Variants in SMG1 observed in about 807,000 individuals in gnomAD.
SMG1 encodes SMG1 nonsense mediated mRNA decay associated PI3K related kinase.
SMG1 carries 22 observed loss-of-function variants against 419.9 expected under a neutral mutation model. The observed-to-expected ratio is 0.05, with a 90% confidence interval of 0.04 to 0.07. The LOEUF is 0.07. Among genes scored for constraint, SMG1 ranks in the 10% least tolerant of loss-of-function variants. SMG1 has a pLI of 1.00. For missense variants in SMG1, 3,185 were observed against 4,342.0 expected, an observed-to-expected ratio of 0.73 and a Z score of 7.49; for synonymous variants, 1,538 against 1,553.5, an observed-to-expected ratio of 0.99 and a Z score of 0.23.
chr16:18,916,108 C>A (rs1198041980), intron 1 of SMG1, among the ~76,000 whole-genome samples: 27 of 84,846 alleles, frequency 3.2e-4, no homozygotes, highest in African/African-American at 9.8e-4. Flanking sequence ...AAAAAAAAAA[C>A]CACCACCACT....
Position 18,809,567 on chromosome 16 carries a change from AT to A in SMG1, c.*1del. Reference sequence around the variant, plus strand: ...AACCAGACTCATCTACTGTCTTGCCATTCACACCCAGGCTGTCCAACCTTCA... The same window carrying A: ...AACCAGACTCATCTACTGTCTTGCCATCACACCCAGGCTGTCCAACCTTCA... On this transcript the variant is annotated 3_prime_UTR_variant, in exon 63 of 63. Transcript: ENST00000446231. The A allele has an allele frequency of 6.2e-7, 1 of 1,609,624 alleles. No individual in the cohort carries two copies. The highest frequency in any genetic ancestry group is 8.5e-7 in the Non-Finnish European group (1 of 1,177,540).
intron 12 of SMG1, among the ~76,000 whole-genome samples, 190 bp from the exon 13 acceptor site, chr16:18,876,583 C>T (rs912638086): frequency 6.6e-6 from 1 of 151,680 alleles, no homozygotes; most frequent in African/African-American, 2.4e-5. Flanking sequence ...GATCAGTATG[C>T]TATTTCAAGT....
intron 57 of SMG1, 95 bp from the exon 58 acceptor site, chr16:18,816,624 C>G: frequency 9.8e-7 from 1 of 1,021,280 alleles, no homozygotes; most frequent in Non-Finnish European, 1.4e-6. Context: ...GTAACTCAAG[C>G]TGACACAAAG....
intron 33 of SMG1, among the ~76,000 whole-genome samples, chr16:18,851,509 C>A (rs1453711353): frequency 1.3e-5 from 2 of 152,226 alleles, no homozygotes; most frequent in African/African-American, 2.4e-5. Context: ...CTTACAATTT[C>A]TGATAAAAGT....
At chr16:18,821,077 C>A (rs534185556) in intron 55 of SMG1, among the ~76,000 whole-genome samples, 1 of 152,114 alleles carries the variant, frequency 6.6e-6, no homozygotes, top group Non-Finnish European at 1.5e-5. Context: ...TTAGCTACTA[C>A]TAATAAACAA....
At position 18,836,349 on chromosome 16, in the gene SMG1, T is replaced by C; in HGVS notation, c.7777+11A>G. ...GTTTCACATGTGAATCTAAAATAAG[T>C]CAACCCATACCAAGGTCCATTTGTG... On this transcript the variant is annotated intron_variant, in intron 47 of 62. Transcript: ENST00000446231. 6.2e-7 allele frequency: 1 copy of C among 1,611,196 alleles called. No homozygotes were observed. Among genetic ancestry groups the C allele is most frequent in the Non-Finnish European group, 8.5e-7 (1 of 1,178,400 alleles).
Position 18,812,042 on chromosome 16 carries a change from T to G in SMG1, c.10707A>C (p.Thr3569=). The stretch of plus-strand genomic sequence containing the variant: ...CGGTGCTTGGTGGAGTATCAGCTGA[T>G]GTAGCAAGATTTTTTTGGATCAGCT... ...ARKLIQKNLA[T]SADTPPSTVP... Residue 3569 remains threonine, a synonymous_variant, in exon 61 of 63, where the codon ACA becomes ACC. Coordinates refer to ENST00000446231, the MANE Select transcript of SMG1 (RefSeq NM_015092.5). 1.2e-6 allele frequency: 2 copies of G among 1,613,982 alleles called. No individual in the cohort carries two copies. The highest frequency in any genetic ancestry group is 1.1e-5 in the South Asian group (1 of 91,080).
chr16:18,855,293 C>G (rs937096577), intron 29 of SMG1, among the ~76,000 whole-genome samples: 1 of 152,156 alleles, frequency 6.6e-6, no homozygotes, highest in Non-Finnish European at 1.5e-5. Flanking sequence ...GCTGAAGAAT[C>G]CTCAGTCTCT....
chr16:18,874,866 CAAAAAAAAAAAAAAAAAAAAA>C (rs148468415), intron 13 of SMG1, among the ~76,000 whole-genome samples: 12 of 49,650 alleles, frequency 2.4e-4, no homozygotes, highest in African/African-American at 7.4e-4. Context: ...GACTCTGTCT[CAAAAAAAAAAAAAAAAAAAAA>C]AAAAAAAAAA....
chr16:18,846,009 T>C (rs997234251), intron 38 of SMG1, among the ~76,000 whole-genome samples: 2 of 151,904 alleles, frequency 1.3e-5, no homozygotes, highest in Non-Finnish European at 2.9e-5. Context: ...AGAGATGGGG[T>C]TTCACCATGT....
At chr16:18,876,623 C>T (rs558466069) in intron 12 of SMG1, among the ~76,000 whole-genome samples, 22 of 149,808 alleles carry the variant, frequency 1.5e-4, no homozygotes, top group Admixed American at 1.1e-3. Flanking sequence ...ATACAGAGTA[C>T]TATAAATGAA....
At chr16:18,922,900 G>A (rs1016992595) in intron 1 of SMG1, among the ~76,000 whole-genome samples, 1 of 152,164 alleles carries the variant, frequency 6.6e-6, no homozygotes, top group Admixed American at 6.5e-5. Flanking sequence ...GGGCAACGTG[G>A]TGAAAACCCC....
chr16:18,846,236 A>G (rs2034261476), intron 38 of SMG1, among the ~76,000 whole-genome samples: 1 of 152,200 alleles, frequency 6.6e-6, no homozygotes, highest in Non-Finnish European at 1.5e-5. Context: ...ATAACTCAAA[A>G]TGGATCAAAG....
Position 18,833,051 on chromosome 16 carries a change from G to C in SMG1, c.8681C>G (p.Thr2894Ser). 6.2e-7 allele frequency: 1 copy of C among 1,613,894 alleles called. No individual in the cohort carries two copies. The highest frequency in any genetic ancestry group is 8.5e-7 in the Non-Finnish European group (1 of 1,179,854). Residue 2894 changes from threonine to serine, a missense_variant, in exon 51 of 63, where the codon ACC (threonine) becomes AGC (serine). Thr to Ser is a moderately conservative substitution (Grantham distance 58). Coordinates refer to ENST00000446231, the MANE Select transcript of SMG1 (RefSeq NM_015092.5). ...AGTCTGCAGGGGAACGCCATCGGTG[G>C]TCTGCTCAATAAGACCGTCCAGTTC... ...LHELDGLIEQ[T>S]TDGVPLQTLV... is the part of the protein sequence containing the mutation.
At chr16:18,891,219 G>A (rs2036861325) in intron 4 of SMG1, among the ~76,000 whole-genome samples, 1 of 152,190 alleles carries the variant, frequency 6.6e-6, no homozygotes, top group Non-Finnish European at 1.5e-5. Flanking sequence ...TGGAGGGATA[G>A]ATGGAGAGAC....
chr16:18,838,695 G>A lies in SMG1; in HGVS notation c.6946-6C>T. 1 of 1,572,970 alleles carries A rather than the reference G, an allele frequency of 6.4e-7. No individual in the cohort carries two copies. Among genetic ancestry groups the A allele is most frequent in the East Asian group, 2.2e-5 (1 of 44,474 alleles). ...GCAGTAGATCTTGCATAAGACTAAA[G>A]GAAAGGAAATGGGGGCAGCAAGTGA... On this transcript the variant is annotated splice_region_variant and splice_polypyrimidine_tract_variant and intron_variant, in intron 42 of 62. Coordinates refer to ENST00000446231, the MANE Select transcript of SMG1 (RefSeq NM_015092.5).
In SMG1 at chr16:18,815,584, C is replaced by T; in HGVS notation, c.10370G>A (p.Gly3457Asp). 1.2e-6 allele frequency: 2 copies of T among 1,613,964 alleles called. No homozygotes were observed. Among genetic ancestry groups the T allele is most frequent in the Non-Finnish European group, 8.5e-7 (1 of 1,179,870 alleles). Residue 3457 changes from glycine to aspartate, a missense_variant, in exon 59 of 63, where the codon GGT becomes GAT. Gly to Asp is a moderately conservative substitution (Grantham distance 94). Around this residue, in one of 27 missense-constraint regions of SMG1, gnomAD observed 737 missense variants for 846.6 expected, o/e 0.87. Transcript: ENST00000446231. ...GTTGTCTTGCCATGATTTATATTCACCCAAAAACTGCCTAACACTGTTCTC... is the reference window on the plus strand; with the variant it reads ...GTTGTCTTGCCATGATTTATATTCATCCAAAAACTGCCTAACACTGTTCTC... ...PYENSVRQFL[G>D]EYKSWQDNIQ...
In SMG1 at chr16:18,815,600, C is replaced by T; in HGVS notation, c.10354G>A (p.Val3452Ile). 1 of 1,613,998 alleles carries T rather than the reference C, an allele frequency of 6.2e-7. No individual in the cohort carries two copies. The highest frequency in any genetic ancestry group is 8.5e-7 in the Non-Finnish European group (1 of 1,179,878). The change falls in exon 59 of 63, where the codon GTT becomes ATT. Residue 3452 changes from valine (V) to isoleucine (I), a missense_variant. This residue lies in a region of SMG1 where 737 missense variants were observed against 846.6 expected (regional missense o/e 0.87). Coordinates refer to ENST00000446231, the MANE Select transcript of SMG1 (RefSeq NM_015092.5). ...DGEDVPYENSVRQFLGEYKSW... is the reference protein window; with the variant it reads ...DGEDVPYENSIRQFLGEYKSW... ...TTATATTCACCCAAAAACTGCCTAA[C>T]ACTGTTCTCATAGGGAACATCTTCA...
chr16:18,818,259 C>G (rs2032196852), intron 56 of SMG1, among the ~76,000 whole-genome samples: 1 of 152,098 alleles, frequency 6.6e-6, no homozygotes, highest in Non-Finnish European at 1.5e-5. Context: ...GTGGCGGGTG[C>G]CTGTAATCCC....
Sources: gnomAD v4.1 joint callset for allele counts (sites outside exome capture counted in the v4.1 genomes callset) on GRCh38, gnomAD v4.1.1 for gene constraint, gnomAD v4.1.1 regional missense constraint, MANE v1.5 for transcripts, NCBI Gene and HGNC (gene_info 2026-07-23, HGNC 2026-07-21) for gene names.